FOXK1: variants seen among roughly 807,000 people sequenced by gnomAD.
FOXK1 encodes forkhead box protein K1.
Under a neutral mutation model 51.9 loss-of-function variants are expected in FOXK1, and 19 were observed. The observed-to-expected ratio is 0.37, with a 90% CI of 0.26 to 0.54. The LOEUF is 0.54. Ranked by LOEUF, FOXK1 falls within the 20% of genes least tolerant of loss-of-function variation. The pLI is 0.87. For missense variants in FOXK1, 870 were observed against 1,032.7 expected, an observed-to-expected ratio of 0.84 and a Z score of 2.16; for synonymous variants, 537 against 482.6, an observed-to-expected ratio of 1.11 and a Z score of -1.48.
chr7:4,720,074 A>G (rs1780289546), intron 1 of FOXK1, among the ~76,000 whole-genome samples: 1 of 152,010 alleles, frequency 6.6e-6, no homozygotes, highest in African/African-American at 2.4e-5. Context: ...AGAACTCTTC[A>G]CCAAGCCCCA....
chr7:4,728,767 G>A (rs974497557), intron 1 of FOXK1, among the ~76,000 whole-genome samples: 4 of 148,356 alleles, frequency 2.7e-5, no homozygotes, highest in Middle Eastern at 3.5e-3. Flanking sequence ...AAAAGAAAAC[G>A]TATTTTTCTT....
chr7:4,704,749 T>C (rs976033972), intron 1 of FOXK1, among the ~76,000 whole-genome samples: 2 of 151,962 alleles, frequency 1.3e-5, no homozygotes, highest in Non-Finnish European at 2.9e-5. Context: ...GTTGTTTCTG[T>C]AGAGATAGAA....
chr7:4,754,706 G>A, intron 3 of FOXK1, 91 bp downstream of exon 3: 2 of 1,439,832 alleles, frequency 1.4e-6, no homozygotes. Context: ...CCCAGGGCCT[G>A]CGGGCGTGTG....
intron 1 of FOXK1, among the ~76,000 whole-genome samples, chr7:4,702,369 G>A (rs1479072337): frequency 6.6e-6 from 1 of 152,008 alleles, no homozygotes; most frequent in Non-Finnish European, 1.5e-5. Context: ...TTGAGATAGA[G>A]TCTCACTCTG....
rs1420927349 is a variant in FOXK1 at position 4,729,753 on chromosome 7, G to T, written c.561-11085G>T. Among the ~76,000 whole-genome samples the T allele has an allele frequency of 6.6e-6, 1 of 152,194 alleles. No homozygotes were observed. Among genetic ancestry groups the T allele is most frequent in the East Asian group, 1.9e-4 (1 of 5,188 alleles). On this transcript the variant is annotated intron_variant, in intron 1 of 8. Transcript: ENST00000328914. The surrounding 1 kb of genome is among the most constrained non-coding windows in gnomAD (Gnocchi z 6.2). Reference sequence around the variant, plus strand: ...GCCTGTAATCCCAGCACTTTGGGAGGCCAAGGCAGGTGGATCACCTGAGCT... The same window carrying T: ...GCCTGTAATCCCAGCACTTTGGGAGTCCAAGGCAGGTGGATCACCTGAGCT...
intron 1 of FOXK1, among the ~76,000 whole-genome samples, chr7:4,696,209 T>C (rs923103981): frequency 6.6e-6 from 1 of 150,954 alleles, no homozygotes; most frequent in African/African-American, 2.5e-5. Flanking sequence ...TTAACTCTCC[T>C]TCTTGAAGCC....
rs1562397673 is a variant in FOXK1 at position 4,770,894 on chromosome 7, TGTGTGTG to T, written c.*8431_*8437del. The T allele has an allele frequency of 1.9e-4, 29 of 151,512 alleles. No homozygotes were observed. The highest frequency in any genetic ancestry group is 6.8e-4 in the African/African-American group (28 of 40,914). The allele number at this position is 151,512 out of a possible 1,614,324, so 9.4% of individuals were successfully genotyped here. A position where few individuals can be genotyped will look rare whatever the true frequency, so the allele number is the denominator to read the frequency against. On this transcript the variant is annotated 3_prime_UTR_variant, in exon 9 of 9. Transcript: ENST00000328914. ...GTGTGTGTGTGTGTGTGTGTGTGTG[TGTGTGTG>T]TATTTTTTTTTTTACAGTGGCGCCT... is the stretch of plus-strand genomic sequence containing the variant.
At position 4,762,634 on chromosome 7, in the gene FOXK1, C is replaced by T. The variant is rs567078680; in HGVS notation, c.*170C>T. 5.5e-5 allele frequency: 35 copies of T among 632,380 alleles called. No homozygotes were observed. The highest frequency in any genetic ancestry group is 4.8e-4 in the African/African-American group (26 of 54,360). 39.2% of individuals were successfully genotyped at this position (632,380 alleles called of 1,614,324 possible). A position where few individuals can be genotyped will look rare whatever the true frequency, so the allele number is the denominator to read the frequency against. The stretch of plus-strand genomic sequence containing the variant: ...CTTTCCATTTGATCGCCTGCCTTCC[C>T]GTGGTTTAAGACAAAAACACATAAA... On this transcript the variant is annotated 3_prime_UTR_variant, in exon 9 of 9. Coordinates refer to ENST00000328914, the MANE Select transcript of FOXK1 (RefSeq NM_001037165.2). The surrounding 1 kb of genome is among the most constrained non-coding windows in gnomAD (Gnocchi z 5.7).
chr7:4,722,215 G>T lies in FOXK1; in HGVS notation c.561-18623G>T, dbSNP rs536617550. Among the ~76,000 whole-genome samples the T allele has an allele frequency of 1.1e-4, 17 of 152,330 alleles. No individual in the cohort carries two copies. The highest frequency in any genetic ancestry group is 2.2e-4 in the Non-Finnish European group (15 of 68,040). On this transcript the variant is annotated intron_variant, in intron 1 of 8. Transcript: ENST00000328914. The surrounding 1 kb of genome is among the most constrained non-coding windows in gnomAD (Gnocchi z 5.1). Reference sequence around the variant, plus strand: ...GATGCTGGATTTCACGTCCACGGCCGCCTGGAAATAAATGCCAGCACCGTG... The same window carrying T: ...GATGCTGGATTTCACGTCCACGGCCTCCTGGAAATAAATGCCAGCACCGTG...
chr7:4,692,674 A>G (rs1450260048), intron 1 of FOXK1, among the ~76,000 whole-genome samples: 2 of 152,154 alleles, frequency 1.3e-5, no homozygotes, highest in Non-Finnish European at 2.9e-5. Context: ...TCAGCCACCC[A>G]AAGTGCTGGG....
rs1359790282 is a variant in FOXK1, at chr7:4,709,463, C to T, written c.560+26595C>T. 6.6e-6 allele frequency among the ~76,000 whole-genome samples: 1 copy of T among 152,148 alleles called. No homozygotes were observed. The highest frequency in any genetic ancestry group is 1.5e-5 in the Non-Finnish European group (1 of 68,036). ...CTTATCTGGACTCGATGTCTCCGAG[C>T]AGATCGAGGCTGGCCCACCCCTGCT... On this transcript the variant is annotated intron_variant, in intron 1 of 8. Coordinates refer to ENST00000328914, the MANE Select transcript of FOXK1 (RefSeq NM_001037165.2). The surrounding 1 kb of genome is among the most constrained non-coding windows in gnomAD (Gnocchi z 5.6).
chr7:4,683,213 C>T lies in FOXK1; in HGVS notation c.560+345C>T, dbSNP rs1779775928. Among the ~76,000 whole-genome samples the T allele has an allele frequency of 6.6e-6, 1 of 150,896 alleles. No homozygotes were observed. The highest frequency in any genetic ancestry group is 6.6e-5 in the Admixed American group (1 of 15,188). The stretch of plus-strand genomic sequence containing the variant: ...CTCCTGGGGTCACCCCTGACCTCAT[C>T]TCCCACCGGCCTGGGCTCCTGGAGC... On this transcript the variant is annotated intron_variant, in intron 1 of 8. Transcript: ENST00000328914. The surrounding 1 kb of genome is among the most constrained non-coding windows in gnomAD (Gnocchi z 4.5).
In FOXK1 at chr7:4,748,997, G is replaced by A. The variant is rs878940799; in HGVS notation, c.747-5462G>A. On this transcript the variant is annotated intron_variant, in intron 2 of 8. Coordinates refer to ENST00000328914, the MANE Select transcript of FOXK1 (RefSeq NM_001037165.2). This position sits in a 1 kb window ranked among gnomAD's most constrained non-coding sequence, Gnocchi z 4.9. The stretch of plus-strand genomic sequence containing the variant: ...CCTGGACCCCCAGGTTCCTGTCCAC[G>A]CTTCTGGGACTGGCTGTGCCTGGCG... 6.6e-6 allele frequency among the ~76,000 whole-genome samples: 1 copy of A among 152,168 alleles called. No homozygotes were observed. The highest frequency in any genetic ancestry group is 1.5e-5 in the Non-Finnish European group (1 of 68,030).
At chr7:4,737,628 A>C (rs1269650123) in intron 1 of FOXK1, among the ~76,000 whole-genome samples, 4 of 152,094 alleles carry the variant, frequency 2.6e-5, no homozygotes. Context: ...ACCGTCGTTC[A>C]CAGCTGGAGT....
rs551728094 is a variant in FOXK1, at chr7:4,755,944, C to G, written c.1050+561C>G. Among the ~76,000 whole-genome samples, 23 of 152,242 alleles carry G rather than the reference C, an allele frequency of 1.5e-4. No homozygotes were observed. Among genetic ancestry groups the G allele is most frequent in the South Asian group, 1.5e-3 (7 of 4,826 alleles). ...TTGTGCTTGCTGTGCCTCACAATCC[C>G]ACGTTAAGTTGGAAAAATGTACCAT... is the stretch of plus-strand genomic sequence containing the variant. On this transcript the variant is annotated intron_variant, in intron 4 of 8. Transcript: ENST00000328914. This position sits in a 1 kb window ranked among gnomAD's most constrained non-coding sequence, Gnocchi z 6.6.
intron 1 of FOXK1, among the ~76,000 whole-genome samples, chr7:4,704,191 CT>C (rs1780053669): frequency 6.6e-6 from 1 of 152,142 alleles, no homozygotes; most frequent in South Asian, 2.1e-4. Context: ...TGGCGCACAC[CT>C]GTAATTCCAG....
At chr7:4,721,167 G>A (rs887639931) in intron 1 of FOXK1, among the ~76,000 whole-genome samples, 1 of 152,194 alleles carries the variant, frequency 6.6e-6, no homozygotes, top group Non-Finnish European at 1.5e-5. Flanking sequence ...GGCCCTGGAG[G>A]AGGTTCTCCG....
rs529860989 is a variant in FOXK1 at position 4,750,215 on chromosome 7, G to A, written c.747-4244G>A. 3.2e-4 allele frequency among the ~76,000 whole-genome samples: 49 copies of A among 152,230 alleles called. 1 individual carries two copies. Among genetic ancestry groups the A allele is most frequent in the African/African-American group, 1.2e-3 (49 of 41,540 alleles). ...GGGGGCACAGGCGTTTGATTCCCGC[G>A]ACGTCTGTGGGCTGTCACTGTCCAG... On this transcript the variant is annotated intron_variant, in intron 2 of 8. Coordinates refer to ENST00000328914, the MANE Select transcript of FOXK1 (RefSeq NM_001037165.2).
intron 1 of FOXK1, among the ~76,000 whole-genome samples, chr7:4,688,996 G>C (rs1301014841): frequency 2.0e-5 from 3 of 147,088 alleles, no homozygotes; most frequent in African/African-American, 7.5e-5. Flanking sequence ...TTTTTTTTGA[G>C]ATGGAGTTTC....
Sources: gnomAD v4.1 joint callset for allele counts (sites outside exome capture counted in the v4.1 genomes callset) on GRCh38, gnomAD v4.1.1 for gene constraint, Gnocchi (gnomAD v3.1) non-coding constraint, MANE v1.5 for transcripts, NCBI Gene and HGNC (gene_info 2026-07-23, HGNC 2026-07-21) for gene names.